Variants in KHDRBS2 observed in about 807,000 individuals in gnomAD.
KHDRBS2 encodes KH domain-containing, RNA-binding, signal transduction-associated protein 2.
Under a neutral mutation model 44.3 loss-of-function variants are expected in KHDRBS2, and 26 were observed. The ratio of observed to expected loss-of-function variants is 0.59; its 90% CI spans 0.43 to 0.81. The LOEUF (loss-of-function observed/expected upper bound fraction) is 0.81. Among genes scored for constraint, KHDRBS2 ranks in the 40% least tolerant of loss-of-function variants. The pLI, the probability that KHDRBS2 is intolerant of heterozygous loss-of-function variation, is 0.00. For synonymous variants in KHDRBS2, 194 were observed against 151.1 expected (o/e 1.28, Z -2.08); for missense variants, 476 against 433.1 (o/e 1.10, Z -0.88).
At chr6:61,840,075 T>C (rs1793368865) in intron 6 of KHDRBS2, among the ~76,000 whole-genome samples, 1 of 152,116 alleles carries the variant, frequency 6.6e-6, no homozygotes, top group Non-Finnish European at 1.5e-5. Context: ...AGAACAAAAA[T>C]GTTTTGCATG....
chr6:62,284,539 C>T (rs1025879770), intron 1 of KHDRBS2, among the ~76,000 whole-genome samples: 13 of 151,154 alleles, frequency 8.6e-5, no homozygotes, highest in Non-Finnish European at 1.6e-4. Context: ...TTTACTTTTC[C>T]ACTTTAATTT....
At chr6:61,790,482 A>G (rs1490384319) in intron 6 of KHDRBS2, among the ~76,000 whole-genome samples, 3 of 151,256 alleles carry the variant, frequency 2.0e-5, no homozygotes, top group East Asian at 1.9e-4. Context: ...TGGCAATTCA[A>G]CTTAACAAGC....
At chr6:61,546,601 T>C in the KHDRBS2 span, among the ~76,000 whole-genome samples, 2 of 152,160 alleles carry the variant, frequency 1.3e-5, no homozygotes, top group Admixed American at 1.3e-4. Context: ...ATTTGAGCTA[T>C]ACACACATTT....
intron 1 of KHDRBS2, among the ~76,000 whole-genome samples, chr6:62,190,404 C>T (rs1824342746): frequency 6.6e-6 from 1 of 152,064 alleles, no homozygotes; most frequent in Admixed American, 6.6e-5. Flanking sequence ...GGTTCATTGC[C>T]TTCCTGAACC....
intron 2 of KHDRBS2, among the ~76,000 whole-genome samples, chr6:62,054,956 G>A (rs1308608446): frequency 6.6e-6 from 1 of 152,010 alleles, no homozygotes; most frequent in African/African-American, 2.4e-5. Context: ...TCCATAGTAA[G>A]AGAAATAAAA....
chr6:61,831,648 G>A (rs1791836306), intron 6 of KHDRBS2, among the ~76,000 whole-genome samples: 1 of 151,986 alleles, frequency 6.6e-6, no homozygotes, highest in African/African-American at 2.4e-5. Context: ...TATGCTCAGT[G>A]CACATAAAAT....
At chr6:61,709,050 G>A (rs1403034460) in intron 7 of KHDRBS2, among the ~76,000 whole-genome samples, 4 of 151,678 alleles carry the variant, frequency 2.6e-5, no homozygotes, top group African/African-American at 7.2e-5. Flanking sequence ...TCTACTTGAA[G>A]TATCAATGAG....
intron 2 of KHDRBS2, among the ~76,000 whole-genome samples, chr6:62,169,228 CAT>C (rs1217981542): frequency 1.7e-5 from 2 of 119,626 alleles, no homozygotes; most frequent in Middle Eastern, 4.3e-3. Context: ...TACACACACA[CAT>C]ATATATGTGT....
chr6:62,109,298 C>A (rs1456867829), intron 2 of KHDRBS2, among the ~76,000 whole-genome samples: 1 of 151,792 alleles, frequency 6.6e-6, no homozygotes, highest in Admixed American at 6.6e-5. Flanking sequence ...ATATCCATTC[C>A]TAATTTTTAA....
At chr6:61,749,423 AAT>A (rs1320418843) in intron 6 of KHDRBS2, among the ~76,000 whole-genome samples, 1 of 152,180 alleles carries the variant, frequency 6.6e-6, no homozygotes, top group African/African-American at 2.4e-5. Context: ...AAATTTTTAA[AAT>A]ATGTTTTCTT....
At chr6:61,892,873 A>G (rs1248488012) in intron 6 of KHDRBS2, among the ~76,000 whole-genome samples, 1 of 152,172 alleles carries the variant, frequency 6.6e-6, no homozygotes, top group African/African-American at 2.4e-5. Flanking sequence ...CACCAAAAGC[A>G]ATGGCAACAA....
chr6:62,066,299 T>C (rs1432559938), intron 2 of KHDRBS2, among the ~76,000 whole-genome samples: 4 of 151,764 alleles, frequency 2.6e-5, no homozygotes, highest in African/African-American at 9.7e-5. Flanking sequence ...CCTGACTGAA[T>C]GTACACTCAG....
chr6:62,088,116 G>A (rs1798762937), intron 2 of KHDRBS2, among the ~76,000 whole-genome samples: 1 of 152,076 alleles, frequency 6.6e-6, no homozygotes, highest in Admixed American at 6.6e-5. Context: ...ACAGTTCTTA[G>A]CTTCCTTGCA....
intron 4 of KHDRBS2, among the ~76,000 whole-genome samples, chr6:61,961,362 G>T (rs537850320): frequency 6.6e-6 from 1 of 151,324 alleles, no homozygotes; most frequent in Admixed American, 6.6e-5. Flanking sequence ...AAGGTGATGA[G>T]TGTGAAAGAA....
chr6:62,084,831 C>G (rs1412782465), intron 2 of KHDRBS2, among the ~76,000 whole-genome samples: 1 of 151,958 alleles, frequency 6.6e-6, no homozygotes, highest in Non-Finnish European at 1.5e-5. Context: ...ATGTATTTCA[C>G]CCATTACAGA....
At position 62,286,065 on chromosome 6, in the gene KHDRBS2, T is replaced by A; in HGVS notation, c.-117A>T. 1 of 696,408 alleles carries A rather than the reference T, an allele frequency of 1.4e-6. No homozygotes were observed. The highest frequency in any genetic ancestry group is 2.2e-5 in the Admixed American group (1 of 45,328). The allele number at this position is 696,408 out of a possible 1,614,324, so 43.1% of individuals were successfully genotyped here. Reference sequence around the variant, plus strand: ...TGCTCCTCCTCCGCGCGGCGAGGGATCTCTGTGCGTCCTCACTGGCCCATG... The same window carrying A: ...TGCTCCTCCTCCGCGCGGCGAGGGAACTCTGTGCGTCCTCACTGGCCCATG... On this transcript the variant is annotated 5_prime_UTR_variant, in exon 1 of 9. Coordinates refer to ENST00000281156, the MANE Select transcript of KHDRBS2 (RefSeq NM_152688.4).
At chr6:61,744,291 A>C (rs572585185) in intron 6 of KHDRBS2, among the ~76,000 whole-genome samples, 1 of 152,232 alleles carries the variant, frequency 6.6e-6, no homozygotes, top group South Asian at 2.1e-4. Flanking sequence ...GGGCAATGAA[A>C]GTGTGTCCAG....
the KHDRBS2 span, among the ~76,000 whole-genome samples, chr6:61,618,475 T>C: frequency 6.6e-6 from 1 of 152,230 alleles, no homozygotes; most frequent in African/African-American, 2.4e-5. Flanking sequence ...TTATTTTAAC[T>C]TTTATTTTAA....
chr6:62,198,533 C>T (rs1585163905), intron 1 of KHDRBS2, among the ~76,000 whole-genome samples: 1 of 151,952 alleles, frequency 6.6e-6, no homozygotes, highest in Non-Finnish European at 1.5e-5. Context: ...AAGACTAAAC[C>T]AGGAAGAAGT....
Sources: gnomAD v4.1 joint callset for allele counts (sites outside exome capture counted in the v4.1 genomes callset) on GRCh38, gnomAD v4.1.1 for gene constraint, MANE v1.5 for transcripts, NCBI Gene and HGNC (gene_info 2026-07-23, HGNC 2026-07-21) for gene names.